Variants in RBFOX1 observed in about 807,000 individuals in gnomAD.
RBFOX1 encodes the protein RNA binding protein fox-1 homolog 1.
Under a neutral mutation model 57.7 loss-of-function variants are expected in RBFOX1, and 8 were observed. The ratio of observed to expected loss-of-function variants is 0.14; its 90% CI spans 0.08 to 0.25. The LOEUF (loss-of-function observed/expected upper bound fraction) is 0.25, where lower values mean the gene tolerates loss of function less well. Ranked by LOEUF, RBFOX1 falls within the 10% of genes least tolerant of loss-of-function variation. The probability of loss-of-function intolerance (pLI) is 1.00; values close to 1 mark genes in which losing one functional copy is unlikely to be tolerated. For synonymous variants in RBFOX1, 326 were observed against 222.4 expected (o/e 1.47, Z -4.15); for missense variants, 611 against 548.5 (o/e 1.11, Z -1.14).
At position 5,928,779 on chromosome 16, in the gene RBFOX1, C is replaced by T. The variant is rs567971171; in HGVS notation, c.351+61444C>T. Among the ~76,000 whole-genome samples, 5 of 151,822 alleles carry T rather than the reference C, an allele frequency of 3.3e-5. No homozygotes were observed. The South Asian group carries it at 1.0e-3, about 32-fold the overall frequency. On this transcript the variant is annotated intron_variant, in intron 4 of 19. Transcript: ENST00000641259. ...GGTATTGTGGGCCACCATTTTGGTT[C>T]CACAGTTGTCTGACCAGTTCTTTCC...
intron 3 of RBFOX1, among the ~76,000 whole-genome samples, chr16:5,710,752 C>G (rs188049987): frequency 6.6e-6 from 1 of 152,146 alleles, no homozygotes; most frequent in African/African-American, 2.4e-5. Context: ...GAGCCTATTA[C>G]CGGCTCTGTG....
In RBFOX1 at chr16:6,587,024, G is replaced by GTT. The variant is rs1369304166; in HGVS notation, c.-63-67578_-63-67577insTT. ...TCCCCTGTTTATTGTGTGTGTGTGT[G>GTT]TGTGTTGAGAACACTTAAAATCTAT... On this transcript the variant is annotated intron_variant, in intron 2 of 15. Transcript: ENST00000550418. Among the ~76,000 whole-genome samples the GTT allele has an allele frequency of 3.9e-5, 6 of 152,200 alleles. No individual in the cohort carries two copies. The East Asian group carries it at 1.2e-3, about 29-fold the overall frequency.
intron 1 of RBFOX1, among the ~76,000 whole-genome samples, chr16:5,306,968 A>G (rs1338588765): frequency 1.3e-5 from 2 of 152,172 alleles, no homozygotes; most frequent in Non-Finnish European, 2.9e-5. Context: ...TCCCCATGGC[A>G]GGCATCTCAG....
At chr16:6,384,128 C>T (rs1253189634) in intron 2 of RBFOX1, among the ~76,000 whole-genome samples, 3 of 145,434 alleles carry the variant, frequency 2.1e-5, no homozygotes, top group African/African-American at 7.6e-5. Context: ...TATTCATTGG[C>T]GCTTGGTTGA....
intron 7 of RBFOX1, among the ~76,000 whole-genome samples, chr16:7,592,841 A>G (rs2094513319): frequency 6.6e-6 from 1 of 152,134 alleles, no homozygotes; most frequent in South Asian, 2.1e-4. Flanking sequence ...TCTTTTTCAG[A>G]TAGGGTGTCA....
Position 5,921,089 on chromosome 16 carries a change from A to G in RBFOX1, c.351+53754A>G, listed in dbSNP as rs184417819. On this transcript the variant is annotated intron_variant, in intron 4 of 19. Coordinates refer to the RBFOX1 transcript ENST00000641259. ...AACTTAGCCCTTCCAAATTGCAAGC[A>G]ATTCTGTAAATATTACTGATCTCCT... 7.1e-3 allele frequency among the ~76,000 whole-genome samples: 1,082 copies of G among 152,292 alleles called. 14 individuals are homozygous for G. The highest frequency in any genetic ancestry group is 0.025 in the African/African-American group (1,035 of 41,560).
intron 1 of RBFOX1, among the ~76,000 whole-genome samples, chr16:6,198,088 C>T (rs1284541352): frequency 1.3e-5 from 2 of 152,106 alleles, no homozygotes; most frequent in East Asian, 1.9e-4. Flanking sequence ...AACTTGTCTA[C>T]ATATTCACCT....
chr16:7,569,089 T>A (rs1046875812), intron 5 of RBFOX1, among the ~76,000 whole-genome samples: 3 of 152,048 alleles, frequency 2.0e-5, no homozygotes, highest in African/African-American at 4.8e-5. Context: ...TCGCTTTTTC[T>A]TCCCCCAGCA....
At chr16:6,447,084 G>A (rs1377106217) in intron 2 of RBFOX1, among the ~76,000 whole-genome samples, 4 of 152,246 alleles carry the variant, frequency 2.6e-5, no homozygotes, top group South Asian at 2.1e-4. Flanking sequence ...GGAAAACTTC[G>A]AAAACCGCAC....
chr16:6,173,549 T>C (rs943930288), intron 1 of RBFOX1, among the ~76,000 whole-genome samples: 2 of 150,082 alleles, frequency 1.3e-5, no homozygotes, highest in African/African-American at 2.5e-5. Flanking sequence ...TTGTTCCTGC[T>C]GCAGGGGCAG....
At chr16:5,769,058 C>G (rs543848800) in intron 3 of RBFOX1, among the ~76,000 whole-genome samples, 153 of 151,594 alleles carry the variant, frequency 1.0e-3, no homozygotes, top group Non-Finnish European at 1.6e-3. Flanking sequence ...AGCCTATAAA[C>G]TACCAACAGG....
At chr16:5,245,767 A>G (rs543288915) in intron 1 of RBFOX1, among the ~76,000 whole-genome samples, 171 of 146,106 alleles carry the variant, frequency 1.2e-3, no homozygotes, top group Non-Finnish European at 1.3e-3. Flanking sequence ...ATATTTTCAA[A>G]CACATTTTAC....
rs543456973 is a variant in RBFOX1, at chr16:6,998,371, T to C, written c.-15-53686T>C. ...CACATGAATCCAAGAAATAATAAGA[T>C]GCTACAGATGGTGAAAACTAATCTG... is the stretch of plus-strand genomic sequence containing the variant. On this transcript the variant is annotated intron_variant, in intron 3 of 15. Transcript: ENST00000550418. Among the ~76,000 whole-genome samples the C allele has an allele frequency of 2.6e-5, 4 of 152,182 alleles. No homozygotes were observed. The East Asian group carries it at 7.7e-4, about 29-fold the overall frequency.
At chr16:7,260,131 G>C (rs2094859947) in intron 4 of RBFOX1, among the ~76,000 whole-genome samples, 1 of 152,180 alleles carries the variant, frequency 6.6e-6, no homozygotes, top group Non-Finnish European at 1.5e-5. Flanking sequence ...TGAAGGCTTA[G>C]AGGAGATAAT....
At chr16:5,263,767 A>C (rs2062793630) in intron 1 of RBFOX1, among the ~76,000 whole-genome samples, 1 of 152,172 alleles carries the variant, frequency 6.6e-6, no homozygotes, top group Non-Finnish European at 1.5e-5. Context: ...TGAAACCCCT[A>C]GGGATGGGTT....
At chr16:7,249,242 C>CT (rs1049481177) in intron 4 of RBFOX1, among the ~76,000 whole-genome samples, 1 of 152,154 alleles carries the variant, frequency 6.6e-6, no homozygotes, top group African/African-American at 2.4e-5. Context: ...CCATTCCCCT[C>CT]TTTTTTCCCT....
At chr16:6,004,970 G>T (rs530657106) in intron 4 of RBFOX1, among the ~76,000 whole-genome samples, 1 of 151,838 alleles carries the variant, frequency 6.6e-6, no homozygotes, top group Non-Finnish European at 1.5e-5. Context: ...GAGGGAAAGG[G>T]TCATGAAATT....
Position 6,270,479 on chromosome 16 carries a change from C to T in RBFOX1, c.-126-46516C>T, listed in dbSNP as rs975784440. Among the ~76,000 whole-genome samples, 89 of 142,274 alleles carry T rather than the reference C, an allele frequency of 6.3e-4. 1 individual carries two copies. Among genetic ancestry groups the T allele is most frequent in the African/African-American group, 2.2e-3 (87 of 39,032 alleles). 93.3% of individuals were successfully genotyped at this position (142,274 alleles called of 152,430 possible). A position where few individuals can be genotyped will look rare whatever the true frequency, so the allele number is the denominator to read the frequency against. The stretch of plus-strand genomic sequence containing the variant: ...TAAGAGCAAAAAAAAAAAAAAACAA[C>T]TAGAAATAGAGACGATATGTAATGA... On this transcript the variant is annotated intron_variant, in intron 1 of 15. Transcript: ENST00000550418.
At chr16:5,755,579 C>T (rs1049435569) in intron 3 of RBFOX1, among the ~76,000 whole-genome samples, 2 of 152,114 alleles carry the variant, frequency 1.3e-5, no homozygotes, top group East Asian at 1.9e-4. Flanking sequence ...GATCAACTTC[C>T]ATCTAATTAC....
Sources: allele counts gnomAD v4.1 joint callset (sites outside exome capture counted in the v4.1 genomes callset), GRCh38; gene constraint gnomAD v4.1.1; transcripts MANE v1.5; gene names NCBI Gene and HGNC (gene_info 2026-07-23, HGNC 2026-07-21).